KHDC1: variants seen among roughly 807,000 people sequenced by gnomAD.
The protein encoded by KHDC1 is KH homology domain-containing protein 1.
KHDC1 carries 21 observed loss-of-function variants against 24.7 expected under a neutral mutation model. That is an observed-to-expected ratio of 0.85 (90% CI 0.60 to 1.23). The LOEUF is 1.23. Ranked by LOEUF, KHDC1 falls within the 50% of genes most tolerant of loss-of-function variation. KHDC1 has a pLI of 0.00. For synonymous variants in KHDC1, 98 were observed against 111.7 expected, an observed-to-expected ratio of 0.88 and a Z score of 0.77; for missense variants, 274 against 298.5, an observed-to-expected ratio of 0.92 and a Z score of 0.61.
chr6:73,260,904 TTGTC>T lies in KHDC1; in HGVS notation c.207-18378_207-18375del, dbSNP rs529732540. Among the ~76,000 whole-genome samples, 393 of 152,346 alleles carry T rather than the reference TTGTC, an allele frequency of 2.6e-3. 3 individuals are homozygous for T. The highest frequency in any genetic ancestry group is 8.7e-3 in the African/African-American group (360 of 41,582). The stretch of plus-strand genomic sequence containing the variant: ...TACATTTGCCCATTTCTCTGTAGGG[TTGTC>T]TTTTTCTTATATATATTTGTTTTCA... On this transcript the variant is annotated intron_variant, in intron 2 of 4. Coordinates refer to ENST00000370384, the Ensembl canonical transcript of KHDC1.
At chr6:73,251,588 G>C (rs1766777292) in intron 2 of KHDC1, among the ~76,000 whole-genome samples, 1 of 152,006 alleles carries the variant, frequency 6.6e-6, no homozygotes, top group Admixed American at 6.6e-5. Flanking sequence ...ATCACTGTCT[G>C]TATACTGGAA....
chr6:73,263,089 G>C (rs899834803), intron 2 of KHDC1: 1 of 1,025,386 alleles, frequency 9.8e-7, no homozygotes, highest in Non-Finnish European at 1.2e-6. Flanking sequence ...AGCGGCTGCA[G>C]GCCTGGCCGA....
At chr6:73,276,887 T>C (rs1767308901) in intron 2 of KHDC1, among the ~76,000 whole-genome samples, 1 of 152,210 alleles carries the variant, frequency 6.6e-6, no homozygotes, top group African/African-American at 2.4e-5. Flanking sequence ...AAATGTAAAA[T>C]ATACCTAGCA....
chr6:73,305,047 G>C (rs1168588266), intron 1 of KHDC1, among the ~76,000 whole-genome samples: 3 of 152,042 alleles, frequency 2.0e-5, no homozygotes, highest in Non-Finnish European at 4.4e-5. Context: ...AGACCAGCCT[G>C]GCCAATATGG....
chr6:73,302,658 G>A (rs972843017), intron 1 of KHDC1, among the ~76,000 whole-genome samples: 6 of 152,168 alleles, frequency 3.9e-5, no homozygotes, highest in African/African-American at 7.2e-5. Flanking sequence ...TGGTTACGAC[G>A]CCACTGTTAT....
intron 2 of KHDC1, among the ~76,000 whole-genome samples, chr6:73,264,157 C>T (rs7744174): frequency 0.28 from 42,294 of 152,034 alleles, 6,531 homozygotes; most frequent in African/African-American, 0.42. Context: ...TGAGATCACG[C>T]CACTGCATTC....
At chr6:73,309,432 G>C in intron 1 of KHDC1, 1 of 1,025,170 alleles carries the variant, frequency 9.8e-7, no homozygotes, top group Non-Finnish European at 1.4e-6. Flanking sequence ...TTGCAGAACT[G>C]TCCTAGGCCT....
chr6:73,290,708 GTCACT>G, intron 2 of KHDC1: 1 of 427,368 alleles, frequency 2.3e-6, no homozygotes, highest in Non-Finnish European at 4.6e-6. Flanking sequence ...TGTATTGCTG[GTCACT>G]TCACTTCTGG....
intron 2 of KHDC1, chr6:73,269,346 C>T (rs1279451711): frequency 1.3e-5 from 2 of 153,470 alleles, no homozygotes; most frequent in East Asian, 3.8e-4. Flanking sequence ...CCGAAGGGCT[C>T]CTCAAGTGCC....
At chr6:73,261,982 G>A (rs1408611118) in intron 2 of KHDC1, among the ~76,000 whole-genome samples, 16 of 152,032 alleles carry the variant, frequency 1.1e-4, no homozygotes, top group Non-Finnish European at 8.8e-5. Flanking sequence ...AGGAGGCTGA[G>A]GTGAGAGAAT....
At chr6:73,299,377 C>G (rs571205302) in intron 1 of KHDC1, 2 of 152,304 alleles carry the variant, frequency 1.3e-5, no homozygotes, top group Non-Finnish European at 2.9e-5. Flanking sequence ...ACGCACTGTT[C>G]CGTGAGCAGC....
At chr6:73,292,192 T>A in intron 1 of KHDC1, 1 of 1,498,450 alleles carries the variant, frequency 6.7e-7, no homozygotes, top group Non-Finnish European at 9.3e-7. Flanking sequence ...GAACCACAGT[T>A]GTTGCACAAC....
chr6:73,242,570 A>G, intron 2 of KHDC1, 40 bp from the exon 2 acceptor site: 1 of 1,613,368 alleles, frequency 6.2e-7, no homozygotes, highest in Non-Finnish European at 8.5e-7. Context: ...ACTGGTTGGC[A>G]AAAGACTTGG....
chr6:73,292,632 C>T (rs1767677792), intron 1 of KHDC1: 3 of 758,212 alleles, frequency 4.0e-6, no homozygotes, highest in Non-Finnish European at 4.9e-6. Flanking sequence ...TCTTCAATCA[C>T]CCCAAAGGTT....
chr6:73,246,822 C>G (rs947435000), intron 2 of KHDC1, among the ~76,000 whole-genome samples: 9 of 151,976 alleles, frequency 5.9e-5, no homozygotes, highest in Non-Finnish European at 8.8e-5. Flanking sequence ...GAACATCAAG[C>G]AAACCTGAAT....
chr6:73,252,451 C>T (rs1357786815), intron 2 of KHDC1, among the ~76,000 whole-genome samples: 1 of 152,054 alleles, frequency 6.6e-6, no homozygotes, highest in African/African-American at 2.4e-5. Flanking sequence ...GTCAGACAAA[C>T]ATTTTCTATA....
intron 2 of KHDC1, among the ~76,000 whole-genome samples, chr6:73,264,252 C>T (rs1034949383): frequency 7.2e-5 from 11 of 152,026 alleles, no homozygotes; most frequent in African/African-American, 2.4e-4. Flanking sequence ...ATCTAGGTTG[C>T]GTCTTTTTCA....
At chr6:73,304,193 A>G (rs1348671435) in intron 1 of KHDC1, among the ~76,000 whole-genome samples, 1 of 152,108 alleles carries the variant, frequency 6.6e-6, no homozygotes, top group African/African-American at 2.4e-5. Flanking sequence ...AAAAAAGAAA[A>G]AAAATTGTTC....
chr6:73,288,002 T>C (rs564970746), intron 2 of KHDC1, among the ~76,000 whole-genome samples: 2 of 152,348 alleles, frequency 1.3e-5, no homozygotes, highest in African/African-American at 4.8e-5. Context: ...ACCATCTTCC[T>C]GATCAAGACC....
Sources: gnomAD v4.1 joint callset for allele counts (sites outside exome capture counted in the v4.1 genomes callset) on GRCh38, gnomAD v4.1.1 for gene constraint, MANE v1.5 for transcripts, NCBI Gene and HGNC (gene_info 2026-07-23, HGNC 2026-07-21) for gene names.